The following LINGO1 variants were observed in gnomAD, a reference collection of about 807,000 sequenced individuals.
LINGO1 encodes leucine rich repeat and Ig domain containing 1.
Under a neutral mutation model 37.3 loss-of-function variants are expected in LINGO1, and 11 were observed. That is an observed-to-expected ratio of 0.29 (90% CI 0.19 to 0.49). The LOEUF is 0.49. Among genes scored for constraint, LINGO1 ranks in the 20% least tolerant of loss-of-function variants. The pLI, the probability that LINGO1 is intolerant of heterozygous loss-of-function variation, is 0.99. For missense variants in LINGO1, 585 were observed against 878.2 expected (o/e 0.67, Z 4.22); for synonymous variants, 387 against 403.0 (o/e 0.96, Z 0.48).
intron 1 of LINGO1, among the ~76,000 whole-genome samples, chr15:77,741,090 G>A (rs1290978646): frequency 6.6e-6 from 1 of 152,216 alleles, no homozygotes; most frequent in East Asian, 1.9e-4. Flanking sequence ...GGAGCCTGGA[G>A]AAGCCCAAAC....
At chr15:77,764,406 A>G (rs940577912) in intron 1 of LINGO1, among the ~76,000 whole-genome samples, 2 of 152,250 alleles carry the variant, frequency 1.3e-5, no homozygotes, top group Non-Finnish European at 2.9e-5. Flanking sequence ...CAAGCCACAG[A>G]TGGACCAGAA....
At chr15:77,778,672 A>G (rs910375083) in intron 1 of LINGO1, among the ~76,000 whole-genome samples, 1 of 152,124 alleles carries the variant, frequency 6.6e-6, no homozygotes, top group Non-Finnish European at 1.5e-5. Flanking sequence ...ATCCAGAATC[A>G]ACCACTTCTC....
intron 1 of LINGO1, among the ~76,000 whole-genome samples, chr15:77,809,724 A>G (rs901621899): frequency 3.9e-5 from 6 of 152,156 alleles, no homozygotes; most frequent in African/African-American, 1.4e-4. Flanking sequence ...ACAGCCAGCC[A>G]TGACCTGTCC....
intron 1 of LINGO1, among the ~76,000 whole-genome samples, chr15:77,750,286 GAGT>G (rs1403698081): frequency 6.6e-6 from 1 of 152,222 alleles, no homozygotes; most frequent in Non-Finnish European, 1.5e-5. Context: ...ACTAGCAAAT[GAGT>G]AAGAAGAATA....
At chr15:77,634,236 G>A (rs1466611844), upstream of LINGO1, 6 of 453,310 alleles carry the variant, frequency 1.3e-5, no homozygotes, top group Non-Finnish European at 2.6e-5. Flanking sequence ...CTTGTTTCTC[G>A]CTGTTCAGCC....
At chr15:77,659,982 T>A (rs1042583411) in intron 3 of LINGO1, 1 of 151,832 alleles carries the variant, frequency 6.6e-6, no homozygotes, top group African/African-American at 2.4e-5. Flanking sequence ...TGCACATTCT[T>A]CTGTTTAAAA....
chr15:77,687,510 G>A (rs538740636), intron 2 of LINGO1, among the ~76,000 whole-genome samples: 1 of 152,348 alleles, frequency 6.6e-6, no homozygotes, highest in South Asian at 2.1e-4. Context: ...CTGGTCCTAT[G>A]CTCCACTCCA....
upstream of LINGO1, among the ~76,000 whole-genome samples, chr15:77,638,550 A>G (rs564404896): frequency 6.6e-6 from 1 of 152,224 alleles, no homozygotes; most frequent in African/African-American, 2.4e-5. Flanking sequence ...TAATGTGTGC[A>G]AACAGGCAGC....
chr15:77,809,534 G>A (rs2076986302), intron 1 of LINGO1, among the ~76,000 whole-genome samples: 1 of 152,332 alleles, frequency 6.6e-6, no homozygotes, highest in South Asian at 2.1e-4. Flanking sequence ...AACACACAGA[G>A]GCTATGCCCC....
upstream of LINGO1, among the ~76,000 whole-genome samples, chr15:77,791,503 T>C (rs2076818550): frequency 6.6e-6 from 1 of 151,902 alleles, no homozygotes; most frequent in African/African-American, 2.4e-5. Flanking sequence ...GAGAGTCACC[T>C]GTTGGAAAGA....
intron 3 of LINGO1, among the ~76,000 whole-genome samples, chr15:77,670,042 A>G (rs1360342001): frequency 6.6e-6 from 1 of 152,256 alleles, no homozygotes; most frequent in Non-Finnish European, 1.5e-5. Context: ...ATACACACAC[A>G]CTAGAACATG....
intron 2 of LINGO1, among the ~76,000 whole-genome samples, chr15:77,677,971 C>A (rs2075355784): frequency 6.6e-6 from 1 of 152,190 alleles, no homozygotes; most frequent in African/African-American, 2.4e-5. Flanking sequence ...GACCTGTGGG[C>A]CACCCTCACC....
chr15:77,715,838 C>A (rs958366622), intron 2 of LINGO1, among the ~76,000 whole-genome samples: 1 of 152,188 alleles, frequency 6.6e-6, no homozygotes, highest in African/African-American at 2.4e-5. Flanking sequence ...GGGACCACTT[C>A]CTCCAGGAAG....
intron 3 of LINGO1, chr15:77,659,994 A>G (rs1327232736): frequency 1.3e-4 from 20 of 152,234 alleles, no homozygotes. Flanking sequence ...TGTTTAAAAT[A>G]GTGAAAGTCC....
At chr15:77,662,987 A>C (rs1314938142) in intron 3 of LINGO1, among the ~76,000 whole-genome samples, 1 of 152,008 alleles carries the variant, frequency 6.6e-6, no homozygotes. Context: ...GAAAGGCAGG[A>C]CTCCGCCTCT....
At chr15:77,706,662 G>A (rs369564908) in intron 2 of LINGO1, among the ~76,000 whole-genome samples, 50 of 152,138 alleles carry the variant, frequency 3.3e-4, no homozygotes, top group African/African-American at 1.1e-3. Flanking sequence ...GGGATAAGAC[G>A]CCTCCTCAGA....
chr15:77,624,925 G>A (rs2074043604), intron 1 of LINGO1, among the ~76,000 whole-genome samples: 1 of 152,166 alleles, frequency 6.6e-6, no homozygotes, highest in African/African-American at 2.4e-5. Flanking sequence ...TGCCAACCCA[G>A]GCTCTCGGGG....
chr15:77,681,835 G>A (rs975376080), intron 2 of LINGO1, among the ~76,000 whole-genome samples: 5 of 152,104 alleles, frequency 3.3e-5, no homozygotes, highest in Admixed American at 2.6e-4. Flanking sequence ...CATTGCCACT[G>A]TGGTTGTCAT....
chr15:77,780,107 C>T (rs2076701011), intron 1 of LINGO1, among the ~76,000 whole-genome samples: 1 of 152,190 alleles, frequency 6.6e-6, no homozygotes, highest in African/African-American at 2.4e-5. Flanking sequence ...CTTGAAGAGA[C>T]AGCTTCGCAG....
Sources: allele counts gnomAD v4.1 joint callset (sites outside exome capture counted in the v4.1 genomes callset), GRCh38; gene constraint gnomAD v4.1.1; transcripts MANE v1.5; gene names NCBI Gene and HGNC (gene_info 2026-07-23, HGNC 2026-07-21).